The following NFIB variants were observed in gnomAD, a reference collection of about 807,000 sequenced individuals.
NFIB encodes the protein nuclear factor 1 B-type.
NFIB carries 11 observed loss-of-function variants against 61.5 expected under a neutral mutation model. The ratio of observed to expected loss-of-function variants is 0.18; its 90% CI spans 0.11 to 0.30. NFIB has a LOEUF of 0.30. Ranked by LOEUF, NFIB falls within the 10% of genes least tolerant of loss-of-function variation. NFIB has a pLI of 1.00. For synonymous variants in NFIB, 260 were observed against 216.5 expected (o/e 1.20, Z -1.76); for missense variants, 471 against 608.9 (o/e 0.77, Z 2.38).
In NFIB at chr9:14,082,045, C is replaced by A. The variant is rs967099349; in HGVS notation, c.*6264G>T. 4 of 211,056 alleles carry A rather than the reference C, an allele frequency of 1.9e-5. No homozygotes were observed. The highest frequency in any genetic ancestry group is 9.1e-5 in the African/African-American group (4 of 44,030). The allele number at this position is 211,056 out of a possible 1,614,324, so 13.1% of individuals were successfully genotyped here. On this transcript the variant is annotated 3_prime_UTR_variant, in exon 11 of 11. Coordinates refer to ENST00000380953, the MANE Select transcript of NFIB (RefSeq NM_001190737.2). ...TTCATTTGCAACCCACAAAAAGTAC[C>A]CAAAGAACGTTATCCTCCAACCGGG...
chr9:14,297,753 A>C (rs78550123), intron 2 of NFIB, among the ~76,000 whole-genome samples: 3,313 of 152,346 alleles, frequency 0.022, 59 homozygotes, highest in Middle Eastern at 0.061. Context: ...TAAAAATAAA[A>C]TGTAACAGCT....
intron 3 of NFIB, among the ~76,000 whole-genome samples, chr9:14,170,982 C>T (rs149377055): frequency 2.0e-4 from 30 of 152,220 alleles, no homozygotes; most frequent in African/African-American, 6.0e-4. Context: ...TCAGATAACA[C>T]GAGACCTTAA....
intron 2 of NFIB, among the ~76,000 whole-genome samples, chr9:14,213,291 C>G (rs1422661742): frequency 1.3e-5 from 2 of 151,014 alleles, no homozygotes; most frequent in Non-Finnish European, 2.9e-5. Flanking sequence ...TACCTATCCA[C>G]CAGCAGGTTG....
the NFIB span, among the ~76,000 whole-genome samples, chr9:14,466,664 C>G: frequency 2.0e-5 from 3 of 152,216 alleles, no homozygotes; most frequent in Admixed American, 6.5e-5. Context: ...CCTTTCTCCT[C>G]TCTTCTTTCT....
Position 14,323,881 on chromosome 9 carries a change from TATAC to T in NFIB, c.109-16365_109-16362del, listed in dbSNP as rs1396586446. ...CATACGTTTGGCTGTGTGTGAATAA[TATAC>T]ATAGCTATTTTCAGTGATAATAAGT... On this transcript the variant is annotated intron_variant, in intron 1 of 8. Transcript: ENST00000380934. Among the ~76,000 whole-genome samples the T allele has an allele frequency of 3.3e-5, 5 of 152,218 alleles. 1 individual carries two copies. Among genetic ancestry groups the T allele is most frequent in the Admixed American group, 3.3e-4 (5 of 15,290 alleles).
chr9:14,289,081 C>CGTGTGTGTGTGT lies in NFIB; in HGVS notation c.562+17896_562+17907dup, dbSNP rs58218572. Among the ~76,000 whole-genome samples the CGTGTGTGTGTGT allele has an allele frequency of 4.1e-3, 577 of 142,404 alleles. 7 individuals carry two copies. The highest frequency in any genetic ancestry group is 0.013 in the African/African-American group (498 of 38,350). 93.4% of individuals were successfully genotyped at this position (142,404 alleles called of 152,430 possible). ...TTATTAGTCATTAGATTTTCCAAAG[C>CGTGTGTGTGTGT]GTGTGTGTGTGTGTGTGTGTGTGTA... On this transcript the variant is annotated intron_variant, in intron 2 of 10. Coordinates refer to ENST00000380953, the MANE Select transcript of NFIB (RefSeq NM_001190737.2).
the NFIB span, among the ~76,000 whole-genome samples, chr9:14,476,533 A>G: frequency 6.6e-6 from 1 of 152,154 alleles, no homozygotes; most frequent in Non-Finnish European, 1.5e-5. Flanking sequence ...AAATCCCCAT[A>G]CACTATTCTG....
chr9:14,133,581 T>C (rs978577658), intron 6 of NFIB, among the ~76,000 whole-genome samples: 1 of 152,148 alleles, frequency 6.6e-6, no homozygotes. Context: ...TTGGGCTCTG[T>C]TCCCAGAGGA....
At chr9:14,529,172 T>C in the NFIB span, among the ~76,000 whole-genome samples, 1 of 152,196 alleles carries the variant, frequency 6.6e-6, no homozygotes, top group Non-Finnish European at 1.5e-5. Flanking sequence ...TACTAAAACA[T>C]GCCTGTCTAG....
chr9:14,318,424 C>T (rs773433395), upstream of NFIB, among the ~76,000 whole-genome samples: 3 of 151,098 alleles, frequency 2.0e-5, no homozygotes, highest in Admixed American at 6.6e-5. Context: ...GAAATTGCAG[C>T]GACAGGTTGC....
chr9:14,117,520 C>A (rs1438457174), intron 8 of NFIB, among the ~76,000 whole-genome samples: 1 of 151,784 alleles, frequency 6.6e-6, no homozygotes, highest in Non-Finnish European at 1.5e-5. Context: ...GAATATTTTT[C>A]TAAATATCTG....
chr9:14,347,362 A>ACTC (rs2061038893), intron 1 of NFIB: 1 of 151,690 alleles, frequency 6.6e-6, no homozygotes, highest in South Asian at 2.1e-4. Context: ...CAAGGTTTGG[A>ACTC]CTCCTAGGGG....
Position 14,102,333 on chromosome 9 carries a change from T to A in NFIB, c.1467+10666A>T, listed in dbSNP as rs371093273. The A allele has an allele frequency of 3.9e-5, 44 of 1,116,948 alleles. 1 individual carries two copies. Among genetic ancestry groups the A allele is most frequent in the African/African-American group, 3.4e-4 (22 of 64,086 alleles). The allele number at this position is 1,116,948 out of a possible 1,614,324, so 69.2% of individuals were successfully genotyped here. A position where few individuals can be genotyped will look rare whatever the true frequency, so the allele number is the denominator to read the frequency against. ...CCAAAACAACTAAATTTTTAACATA[T>A]ATTTTCTGTAAAGCTAGTTAAAAAC... On this transcript the variant is annotated intron_variant, in intron 10 of 10. Transcript: ENST00000380953.
chr9:14,486,165 G>A, the NFIB span, among the ~76,000 whole-genome samples: 1 of 152,174 alleles, frequency 6.6e-6, no homozygotes. Context: ...ACAGAGTGGG[G>A]AATGTGACCT....
intron 6 of NFIB, among the ~76,000 whole-genome samples, chr9:14,136,182 A>G (rs2041022007): frequency 1.3e-5 from 2 of 152,196 alleles, no homozygotes; most frequent in African/African-American, 4.8e-5. Flanking sequence ...CTACTTTTTA[A>G]AAACACTTCA....
rs370769747 is a variant in NFIB at position 14,334,546 on chromosome 9, GA to G, written c.109-27027del. Among the ~76,000 whole-genome samples the G allele has an allele frequency of 2.8e-3, 421 of 151,962 alleles. 2 individuals are homozygous for G. Among genetic ancestry groups the G allele is most frequent in the African/African-American group, 9.7e-3 (402 of 41,446 alleles). The stretch of plus-strand genomic sequence containing the variant: ...TGCACTCTTCTACCTTTTTCTTGTT[GA>G]TTTGTAGGAGTTCTTTGTATACTCT... On this transcript the variant is annotated intron_variant, in intron 1 of 8. Coordinates refer to the NFIB transcript ENST00000380934.
the NFIB span, among the ~76,000 whole-genome samples, chr9:14,444,311 G>C: frequency 6.6e-6 from 1 of 151,692 alleles, no homozygotes; most frequent in Non-Finnish European, 1.5e-5. Flanking sequence ...TTTTAGAAGA[G>C]TATTCAGAAA....
chr9:14,182,371 A>G (rs1396841007), intron 2 of NFIB, among the ~76,000 whole-genome samples: 1 of 152,154 alleles, frequency 6.6e-6, no homozygotes, highest in Admixed American at 6.5e-5. Flanking sequence ...TCTCAGAAAC[A>G]TAGGAGAGGG....
chr9:14,260,957 G>C (rs909182143), intron 2 of NFIB, among the ~76,000 whole-genome samples: 1 of 150,534 alleles, frequency 6.6e-6, no homozygotes, highest in African/African-American at 2.4e-5. Flanking sequence ...CAAGAAACCT[G>C]TAGGTATACT....
Sources: allele counts gnomAD v4.1 joint callset (sites outside exome capture counted in the v4.1 genomes callset), GRCh38; gene constraint gnomAD v4.1.1; transcripts MANE v1.5; gene names NCBI Gene and HGNC (gene_info 2026-07-23, HGNC 2026-07-21).